The following RYR3 variants were observed in gnomAD, a reference collection of about 807,000 sequenced individuals.
RYR3 encodes the protein brain ryanodine receptor-calcium release channel.
A neutral mutation model predicts 584.3 loss-of-function variants in RYR3; 207 were observed. The observed-to-expected ratio is 0.35, with a 90% CI of 0.32 to 0.40. The LOEUF is 0.40. RYR3 is among the 10% of genes least tolerant of loss of function. The pLI is 1.00. For synonymous variants in RYR3, 2,416 were observed against 2,248.5 expected, an observed-to-expected ratio of 1.07 and a Z score of -2.11; for missense variants, 5,616 against 6,089.2, an observed-to-expected ratio of 0.92 and a Z score of 2.59.
chr15:33,619,322 C>T (rs1234051794), intron 19 of RYR3, among the ~76,000 whole-genome samples: 1 of 152,090 alleles, frequency 6.6e-6, no homozygotes, highest in Non-Finnish European at 1.5e-5. Context: ...TTCTTCAATT[C>T]TCTTTTTAAT....
intron 94 of RYR3, chr15:33,849,524 C>G (rs1014194642): frequency 1.3e-5 from 2 of 152,200 alleles, no homozygotes; most frequent in African/African-American, 4.8e-5. Flanking sequence ...TCTTTTCTTT[C>G]CTGTAACTAT....
At chr15:33,529,162 T>C (rs1354183712) in intron 3 of RYR3, among the ~76,000 whole-genome samples, 2 of 152,334 alleles carry the variant, frequency 1.3e-5, no homozygotes, top group African/African-American at 4.8e-5. Context: ...AATTTTAAAA[T>C]ATTGTGAAGA....
intron 2 of RYR3, among the ~76,000 whole-genome samples, chr15:33,501,192 T>G (rs933253424): frequency 6.6e-6 from 1 of 152,196 alleles, no homozygotes; most frequent in African/African-American, 2.4e-5. Context: ...CCTGGGGACT[T>G]TCAATACCTG....
intron 43 of RYR3, 128 bp from the exon 44 acceptor site, chr15:33,722,587 C>A: frequency 1.2e-6 from 1 of 855,084 alleles, no homozygotes; most frequent in Non-Finnish European, 1.9e-6. Context: ...GCCCACTTGA[C>A]TGGCCTAAAC....
chr15:33,474,604 G>C (rs913401045), intron 2 of RYR3, among the ~76,000 whole-genome samples: 2 of 152,120 alleles, frequency 1.3e-5, no homozygotes, highest in African/African-American at 4.8e-5. Flanking sequence ...GTGTCGTTTG[G>C]CTGAATAACG....
chr15:33,865,277 TAA>T lies in RYR3; in HGVS notation c.*53_*54del. 6 of 1,326,090 alleles carry T rather than the reference TAA, an allele frequency of 4.5e-6. No homozygotes were observed. Among genetic ancestry groups the T allele is most frequent in the Non-Finnish European group, 6.5e-6 (6 of 928,120 alleles). The allele number at this position is 1,326,090 out of a possible 1,614,324, so 82.1% of individuals were successfully genotyped here. On this transcript the variant is annotated 3_prime_UTR_variant, in exon 104 of 104. Transcript: ENST00000634891. ...TCTGGACAGTCAACTTCCCATGAAA[TAA>T]AGTCCCCTTTTTACAGTTCTGCAAC...
At chr15:33,429,777 C>T (rs1210456550) in intron 1 of RYR3, among the ~76,000 whole-genome samples, 1 of 152,232 alleles carries the variant, frequency 6.6e-6, no homozygotes, top group Non-Finnish European at 1.5e-5. Context: ...TTAGGAAGCT[C>T]ATCTAAGTGA....
At chr15:33,640,879 T>C (rs2061773900) in intron 27 of RYR3, among the ~76,000 whole-genome samples, 1 of 152,230 alleles carries the variant, frequency 6.6e-6, no homozygotes, top group South Asian at 2.1e-4. Context: ...CCTCTTATTA[T>C]ATTTTCTTCT....
intron 2 of RYR3, among the ~76,000 whole-genome samples, chr15:33,501,653 ATC>A (rs2052002150): frequency 6.6e-6 from 1 of 152,094 alleles, no homozygotes. Context: ...TGGTAGAAAA[ATC>A]TCTATAAAAT....
At position 33,636,507 on chromosome 15, in the gene RYR3, C is replaced by A; in HGVS notation, c.3513C>A (p.Asn1171Lys). ...FTLNGELLIT[N>K]KGSELAFADY... The stretch of plus-strand genomic sequence containing the variant: ...TGAATGGGGAGCTGCTGATCACCAA[C>A]AAAGGCTCTGAACTTGCCTTCGCTG... The change falls in exon 27 of 104, where the codon AAC becomes AAA. Residue 1171 changes from asparagine (N) to lysine (K), a missense_variant. Coordinates refer to ENST00000634891, the MANE Select transcript of RYR3 (RefSeq NM_001036.6). The A allele has an allele frequency of 6.2e-7, 1 of 1,611,192 alleles. No individual in the cohort carries two copies. Among genetic ancestry groups the A allele is most frequent in the East Asian group, 2.2e-5 (1 of 44,838 alleles).
At chr15:33,345,609 A>C (rs1271150344) in intron 1 of RYR3, among the ~76,000 whole-genome samples, 1 of 152,084 alleles carries the variant, frequency 6.6e-6, no homozygotes, top group Non-Finnish European at 1.5e-5. Flanking sequence ...CAGACTTTGT[A>C]CTCTGCCATG....
intron 38 of RYR3, among the ~76,000 whole-genome samples, chr15:33,691,120 A>G (rs1230507946): frequency 6.6e-6 from 1 of 151,816 alleles, no homozygotes; most frequent in Non-Finnish European, 1.5e-5. Flanking sequence ...AACAAGTAGT[A>G]GTTTCTGAAA....
rs747378713 is a variant in RYR3, at chr15:33,801,763, C to T, written c.9919-106C>T. 48 of 639,264 alleles carry T rather than the reference C, an allele frequency of 7.5e-5. 1 individual carries two copies. Among genetic ancestry groups the T allele is most frequent in the South Asian group, 7.1e-4 (36 of 50,480 alleles). The allele number at this position is 639,264 out of a possible 1,614,324, so 39.6% of individuals were successfully genotyped here. A position where few individuals can be genotyped will look rare whatever the true frequency, so the allele number is the denominator to read the frequency against. On this transcript the variant is annotated intron_variant, in intron 68 of 103. Coordinates refer to ENST00000634891, the MANE Select transcript of RYR3 (RefSeq NM_001036.6). ...TTTTCACGTGTCTTTGGAATCACCT[C>T]GGCTGAGAGGAGGGGTCTATTCCGT... is the stretch of plus-strand genomic sequence containing the variant.
Position 33,843,514 on chromosome 15 carries a change from C to G in RYR3, c.13236C>G (p.Asn4412Lys). ...ATTACCTGGCCAGGAATTTCTACAA[C>G]CTGAGGTTCCTTGCTCTGTTTGTAG... is the stretch of plus-strand genomic sequence containing the variant. ...LLHYLARNFY[N>K]LRFLALFVAF... Residue 4412 changes from asparagine (N) to lysine (K), a missense_variant, in exon 92 of 104, where the codon AAC becomes AAG. Physicochemically the swap from Asn to Lys is moderately conservative, Grantham distance 94. This residue lies in a region of RYR3 where 918 missense variants were observed against 887.4 expected (regional missense o/e 1.03). Transcript: ENST00000634891. The G allele has an allele frequency of 6.2e-7, 1 of 1,604,560 alleles. No individual in the cohort carries two copies. The highest frequency in any genetic ancestry group is 8.5e-7 in the Non-Finnish European group (1 of 1,175,070).
At chr15:33,820,621 T>C in intron 77 of RYR3, 135 bp from the exon 78 acceptor site, 1 of 687,912 alleles carries the variant, frequency 1.5e-6, no homozygotes, top group East Asian at 2.8e-5. Context: ...AAAATGTTCC[T>C]GGCTTTACAC....
In RYR3 at chr15:33,540,872, G is replaced by A; in HGVS notation, c.628G>A (p.Gly210Arg). The A allele has an allele frequency of 6.2e-7, 1 of 1,611,284 alleles. No homozygotes were observed. Among genetic ancestry groups the A allele is most frequent in the Non-Finnish European group, 8.5e-7 (1 of 1,177,616 alleles). The part of the protein sequence containing the change: ...TLWNVHPTCS[G>R]SSIEEGYLLG... ...CTGGAATGTACATCCTACGTGCTCAGGAAGTAGCATCGAAGAAGGTGTGCT... is the reference window on the plus strand; with the variant it reads ...CTGGAATGTACATCCTACGTGCTCAAGAAGTAGCATCGAAGAAGGTGTGCT... Residue 210 changes from glycine (G) to arginine (R), a missense_variant, in exon 7 of 104, where the codon GGA (glycine) becomes AGA (arginine). Physicochemically the swap from Gly to Arg is moderately radical, Grantham distance 125. This residue lies in a region of RYR3 where 1,284 missense variants were observed against 1,344.6 expected (regional missense o/e 0.95). Transcript: ENST00000634891.
intron 1 of RYR3, among the ~76,000 whole-genome samples, chr15:33,394,911 G>A (rs1056961063): frequency 6.6e-6 from 1 of 152,090 alleles, no homozygotes; most frequent in East Asian, 1.9e-4. Context: ...TGGACATACA[G>A]TATAATGCCA....
rs10714497 is a variant in RYR3, at chr15:33,674,791, G to GA, written c.5860+4250dup. Among the ~76,000 whole-genome samples, 303 of 133,644 alleles carry GA rather than the reference G, an allele frequency of 2.3e-3. 1 individual carries two copies. Among genetic ancestry groups the GA allele is most frequent in the Non-Finnish European group, 2.9e-3 (183 of 63,258 alleles). The allele number at this position is 133,644 out of a possible 152,430, so 87.7% of individuals were successfully genotyped here. A position where few individuals can be genotyped will look rare whatever the true frequency, so the allele number is the denominator to read the frequency against. On this transcript the variant is annotated intron_variant, in intron 38 of 103. Coordinates refer to ENST00000634891, the MANE Select transcript of RYR3 (RefSeq NM_001036.6). ...ATAAGAAGGAAAAGGCATTTTTAAT[G>GA]AAAAAAAAAAAAAAAGCTGCTTCAA...
intron 6 of RYR3, 37 bp from the exon 7 acceptor site, chr15:33,540,754 T>C: frequency 7.6e-7 from 1 of 1,322,196 alleles, no homozygotes. Context: ...ACTGGACTGG[T>C]GATTTAAAAG....
Sources: gnomAD v4.1 joint callset for allele counts (sites outside exome capture counted in the v4.1 genomes callset) on GRCh38, gnomAD v4.1.1 for gene constraint, gnomAD v4.1.1 regional missense constraint, MANE v1.5 for transcripts, NCBI Gene and HGNC (gene_info 2026-07-23, HGNC 2026-07-21) for gene names.